SPATA17: variants seen among roughly 807,000 people sequenced by gnomAD.
SPATA17 encodes spermatogenesis-associated protein 17.
In SPATA17, 53 loss-of-function variants were observed where a neutral mutation model predicts 62.2. The observed-to-expected ratio is 0.85, with a 90% CI of 0.68 to 1.07. The LOEUF (loss-of-function observed/expected upper bound fraction) is 1.07. Ranked by LOEUF, SPATA17 falls within the 50% of genes least tolerant of loss-of-function variation. The pLI is 0.00. For synonymous variants in SPATA17, 146 were observed against 146.8 expected (o/e 0.99, Z 0.04); for missense variants, 466 against 425.5 (o/e 1.10, Z -0.84).
At chr1:217,689,974 G>T (rs547192466) in intron 5 of SPATA17, among the ~76,000 whole-genome samples, 2 of 150,710 alleles carry the variant, frequency 1.3e-5, no homozygotes, top group Non-Finnish European at 2.9e-5. Flanking sequence ...CACAATCTCC[G>T]CTCACTGCAA....
At chr1:217,734,884 A>G (rs1672478492) in intron 5 of SPATA17, among the ~76,000 whole-genome samples, 2 of 152,116 alleles carry the variant, frequency 1.3e-5, no homozygotes, top group Non-Finnish European at 2.9e-5. Context: ...GGGTCTGAGA[A>G]AGTGCATTTT....
chr1:217,726,870 T>A (rs1427853098), intron 5 of SPATA17, among the ~76,000 whole-genome samples: 1 of 152,156 alleles, frequency 6.6e-6, no homozygotes, highest in East Asian at 1.9e-4. Flanking sequence ...TGGAGTATCA[T>A]CTTTACTTTT....
chr1:217,865,537 G>T lies in SPATA17; in HGVS notation c.*3-1485G>T, dbSNP rs556649841. On this transcript the variant is annotated intron_variant, in intron 10 of 10. Transcript: ENST00000366933. ...TTACTCCTTTTAGTGTCTTTAATTT[G>T]TCTTTTTAAATGGTCACTATTTGTA... is the stretch of plus-strand genomic sequence containing the variant. Among the ~76,000 whole-genome samples the T allele has an allele frequency of 5.9e-5, 9 of 152,182 alleles. No individual in the cohort carries two copies. In the South Asian group the frequency reaches 1.9e-3, roughly 32 times the overall value.
intron 9 of SPATA17, among the ~76,000 whole-genome samples, chr1:217,859,034 TAAA>T (rs1675841161): frequency 6.7e-6 from 1 of 149,876 alleles, no homozygotes; most frequent in African/African-American, 2.4e-5. Context: ...TCTCAAAAAA[TAAA>T]TAAATAAAAT....
intron 5 of SPATA17, among the ~76,000 whole-genome samples, chr1:217,727,959 G>T (rs915950042): frequency 3.9e-5 from 6 of 152,024 alleles, no homozygotes; most frequent in African/African-American, 1.2e-4. Context: ...CTCTGTTTTG[G>T]GTTGACTAGT....
chr1:217,851,506 CTG>C (rs1254144786), intron 9 of SPATA17, among the ~76,000 whole-genome samples: 1 of 152,004 alleles, frequency 6.6e-6, no homozygotes, highest in Non-Finnish European at 1.5e-5. Context: ...TAAGAAAAAA[CTG>C]TGACAGAACT....
chr1:217,635,772 G>A (rs184192826), intron 1 of SPATA17, among the ~76,000 whole-genome samples: 11 of 152,060 alleles, frequency 7.2e-5, no homozygotes, highest in African/African-American at 9.6e-5. Flanking sequence ...TTATGATAAC[G>A]GGATTGGGGA....
chr1:217,782,418 T>C (rs1673752725), intron 8 of SPATA17, 96 bp downstream of exon 8: 1 of 1,352,276 alleles, frequency 7.4e-7, no homozygotes, highest in South Asian at 1.8e-5. Flanking sequence ...ATCTTTTATT[T>C]GTGAGAAAAG....
chr1:217,795,987 G>A (rs564600298), intron 8 of SPATA17, among the ~76,000 whole-genome samples: 3 of 151,228 alleles, frequency 2.0e-5, no homozygotes, highest in East Asian at 4.0e-4. Flanking sequence ...TTGTAGAGAT[G>A]GGGTTTCACC....
chr1:217,848,944 AC>A (rs1675586734), intron 9 of SPATA17, among the ~76,000 whole-genome samples: 2 of 151,824 alleles, frequency 1.3e-5, no homozygotes, highest in African/African-American at 4.8e-5. Context: ...TTTTCTATCA[AC>A]TTGTGTTTTC....
intron 9 of SPATA17, among the ~76,000 whole-genome samples, chr1:217,843,347 T>A (rs555598057): frequency 6.6e-6 from 1 of 152,144 alleles, no homozygotes; most frequent in South Asian, 2.1e-4. Flanking sequence ...CCAAGCACGG[T>A]GGCTCATGCC....
At chr1:217,745,227 T>C (rs993780378) in intron 6 of SPATA17, among the ~76,000 whole-genome samples, 2 of 152,206 alleles carry the variant, frequency 1.3e-5, no homozygotes, top group African/African-American at 2.4e-5. Context: ...AATTTGGACC[T>C]GGCTGGTTGG....
intron 7 of SPATA17, among the ~76,000 whole-genome samples, chr1:217,780,343 A>G (rs1673702464): frequency 2.0e-5 from 3 of 150,444 alleles, no homozygotes; most frequent in South Asian, 2.1e-4. Context: ...GTATAAATGT[A>G]TGTACCAGGC....
chr1:217,851,289 AGAATTCCATCATAT>A (rs1675659859), intron 9 of SPATA17, among the ~76,000 whole-genome samples: 1 of 152,154 alleles, frequency 6.6e-6, no homozygotes, highest in Non-Finnish European at 1.5e-5. Context: ...GTTTCCTGTG[AGAATTCCATCATAT>A]TAATGATGCA....
intron 7 of SPATA17, chr1:217,781,061 T>C (rs1673716819): frequency 6.6e-6 from 1 of 152,138 alleles, no homozygotes; most frequent in Non-Finnish European, 1.5e-5. Flanking sequence ...CTTTCAAATA[T>C]AGCAATCCTC....
chr1:217,645,889 T>A (rs1670169396), intron 1 of SPATA17, among the ~76,000 whole-genome samples: 1 of 152,210 alleles, frequency 6.6e-6, no homozygotes, highest in South Asian at 2.1e-4. Flanking sequence ...TTAACATTGC[T>A]TAATCATGAT....
chr1:217,819,148 C>T (rs1674799293), intron 9 of SPATA17, among the ~76,000 whole-genome samples: 1 of 151,352 alleles, frequency 6.6e-6, no homozygotes, highest in African/African-American at 2.4e-5. Context: ...CTGGAATTTT[C>T]ATTTGCTGAA....
At chr1:217,644,823 T>C (rs1293661233) in intron 1 of SPATA17, among the ~76,000 whole-genome samples, 1 of 152,116 alleles carries the variant, frequency 6.6e-6, no homozygotes, top group Non-Finnish European at 1.5e-5. Flanking sequence ...TATTAATTCA[T>C]TTAGTATTCA....
chr1:217,674,827 T>C lies in SPATA17; in HGVS notation c.291+5744T>C, dbSNP rs1051248618. On this transcript the variant is annotated intron_variant, in intron 4 of 10. Coordinates refer to ENST00000366933, the MANE Select transcript of SPATA17 (RefSeq NM_138796.4). The stretch of plus-strand genomic sequence containing the variant: ...GTGGAGCAGATGCCTGAAAGTGGTC[T>C]CTCACCTGAAGTTGGGTCGTCTCCC... Among the ~76,000 whole-genome samples, 4 of 152,310 alleles carry C rather than the reference T, an allele frequency of 2.6e-5. No individual in the cohort carries two copies. The East Asian group carries it at 7.7e-4, about 29-fold the overall frequency.
Sources: allele counts gnomAD v4.1 joint callset (sites outside exome capture counted in the v4.1 genomes callset), GRCh38; gene constraint gnomAD v4.1.1; transcripts MANE v1.5; gene names NCBI Gene and HGNC (gene_info 2026-07-23, HGNC 2026-07-21).